Variants in TRAK1 observed in about 807,000 individuals in gnomAD.
TRAK1 encodes trafficking kinesin protein 1.
TRAK1 carries 33 observed loss-of-function variants against 92.1 expected under a neutral mutation model. The ratio of observed to expected loss-of-function variants is 0.36; its 90% confidence interval spans 0.27 to 0.48. TRAK1 has a LOEUF of 0.48. Among genes scored for constraint, TRAK1 ranks in the 20% least tolerant of loss-of-function variants. The pLI, the probability that TRAK1 is intolerant of heterozygous loss-of-function variation, is 0.99. For synonymous variants in TRAK1, 521 were observed against 517.3 expected, an observed-to-expected ratio of 1.01 and a Z score of -0.10; for missense variants, 1,123 against 1,257.9, an observed-to-expected ratio of 0.89 and a Z score of 1.62.
chr3:42,049,408 C>T (rs1702894260), intron 1 of TRAK1, among the ~76,000 whole-genome samples: 1 of 151,564 alleles, frequency 6.6e-6, no homozygotes, highest in African/African-American at 2.4e-5. Flanking sequence ...TTATGCCAGG[C>T]ACTCAGTGGG....
Position 42,054,904 on chromosome 3 carries a change from A to ATTTTTTTTTTTTTTTTTTTTT in TRAK1, c.-518-32186_-518-32166dup, listed in dbSNP as rs1157067369. On this transcript the variant is annotated intron_variant, in intron 1 of 16. Coordinates refer to the TRAK1 transcript ENST00000487159. ...TTGTAAATGATCTACAGCAAACTAGATTTTTTTTTTTTTTTTTTTTTTTTT... is the reference window on the plus strand; with the variant it reads ...TTGTAAATGATCTACAGCAAACTAGATTTTTTTTTTTTTTTTTTTTTTTTTTTTTTTTTTTTTTTTTTTTTT... 1.1e-4 allele frequency among the ~76,000 whole-genome samples: 4 copies of ATTTTTTTTTTTTTTTTTTTTT among 37,104 alleles called. 1 individual carries two copies. Among genetic ancestry groups the ATTTTTTTTTTTTTTTTTTTTT allele is most frequent in the Non-Finnish European group, 1.5e-4 (3 of 19,538 alleles). 24.3% of individuals were successfully genotyped at this position (37,104 alleles called of 152,430 possible). A position where few individuals can be genotyped will look rare whatever the true frequency, so the allele number is the denominator to read the frequency against.
chr3:42,165,660 A>G (rs1396219756), intron 2 of TRAK1, among the ~76,000 whole-genome samples: 1 of 152,184 alleles, frequency 6.6e-6, no homozygotes, highest in East Asian at 1.9e-4. Flanking sequence ...ATGTAGTGTC[A>G]TCGGCAGCAC....
At chr3:42,213,019 C>A (rs1316000944) in intron 14 of TRAK1, among the ~76,000 whole-genome samples, 1 of 151,692 alleles carries the variant, frequency 6.6e-6, no homozygotes, top group African/African-American at 2.4e-5. Flanking sequence ...CTGGCAGTGG[C>A]CCTGCAGTAG....
At chr3:42,106,423 CAAAG>C (rs1392033749) in intron 1 of TRAK1, among the ~76,000 whole-genome samples, 9 of 151,896 alleles carry the variant, frequency 5.9e-5, no homozygotes, top group Admixed American at 5.2e-4. Context: ...TCAAAAGAGA[CAAAG>C]AAGGCCATTA....
intron 14 of TRAK1, chr3:42,217,787 T>C: frequency 1.0e-6 from 1 of 985,446 alleles, no homozygotes; most frequent in Non-Finnish European, 1.2e-6. Flanking sequence ...TTTGTTATTT[T>C]TGTTTCTAGA....
chr3:42,148,578 C>T (rs972954364), intron 2 of TRAK1, among the ~76,000 whole-genome samples: 1 of 152,152 alleles, frequency 6.6e-6, no homozygotes, highest in Non-Finnish European at 1.5e-5. Context: ...TGCAGGTGGA[C>T]TTTTTTCTTC....
At chr3:42,063,420 T>G (rs1213369794) in intron 1 of TRAK1, among the ~76,000 whole-genome samples, 1 of 152,210 alleles carries the variant, frequency 6.6e-6, no homozygotes, top group Non-Finnish European at 1.5e-5. Flanking sequence ...GTGTGGTGGC[T>G]TGTGCCTGTA....
intron 2 of TRAK1, chr3:42,160,365 TCCCTG>T (rs1180577522): frequency 6.2e-7 from 1 of 1,614,072 alleles, no homozygotes; most frequent in South Asian, 1.1e-5. Flanking sequence ...TTCAGCAATG[TCCCTG>T]CGAGACAAGG....
intron 2 of TRAK1, among the ~76,000 whole-genome samples, chr3:42,133,997 A>G (rs1477739163): frequency 6.6e-6 from 1 of 152,192 alleles, no homozygotes; most frequent in East Asian, 1.9e-4. Flanking sequence ...TAATTACATT[A>G]ATAAGCAAAA....
At position 42,118,451 on chromosome 3, in the gene TRAK1, A is replaced by C. The variant is rs74897175; in HGVS notation, c.92-6969A>C. 6.9e-3 allele frequency among the ~76,000 whole-genome samples: 1,057 copies of C among 152,344 alleles called. 50 individuals carry two copies. The East Asian group carries it at 0.13, about 19-fold the overall frequency. On this transcript the variant is annotated intron_variant, in intron 1 of 15. Transcript: ENST00000327628. ...AAATGTTGGACACTAATTTAGAGCT[A>C]TTGCCTTTGCTGTAAAATGTAAGCA...
chr3:42,019,499 T>G (rs1236885279), intron 1 of TRAK1, among the ~76,000 whole-genome samples: 2 of 152,164 alleles, frequency 1.3e-5, no homozygotes, highest in African/African-American at 4.8e-5. Flanking sequence ...CTGCCTTAGC[T>G]TCAAGCGATC....
chr3:42,105,961 A>G (rs1300296681), intron 1 of TRAK1, among the ~76,000 whole-genome samples: 3 of 152,138 alleles, frequency 2.0e-5, no homozygotes, highest in Admixed American at 6.6e-5. Flanking sequence ...CTACAGACAA[A>G]CAAATGCTGA....
intron 5 of TRAK1, 67 bp from the exon 6 acceptor site, chr3:42,188,949 C>G: frequency 8.5e-7 from 1 of 1,178,226 alleles, no homozygotes. Context: ...TTTGTGTCTC[C>G]ACATGGTTTG....
intron 1 of TRAK1, among the ~76,000 whole-genome samples, chr3:42,069,431 C>A (rs374502721): frequency 4.8e-4 from 73 of 152,052 alleles, no homozygotes; most frequent in African/African-American, 1.5e-3. Flanking sequence ...GGAGGTCAGA[C>A]AAGTACCTAA....
chr3:42,130,892 G>T, intron 2 of TRAK1, among the ~76,000 whole-genome samples: 1 of 152,164 alleles, frequency 6.6e-6, no homozygotes, highest in East Asian at 1.9e-4. Flanking sequence ...CACAGCCAGG[G>T]TATGTGGGGC....
At chr3:42,093,863 CA>C (rs1335874384) in intron 1 of TRAK1, among the ~76,000 whole-genome samples, 1 of 151,354 alleles carries the variant, frequency 6.6e-6, no homozygotes, top group Non-Finnish European at 1.5e-5. Context: ...CCACCACGCC[CA>C]GCTATTTTTT....
intron 2 of TRAK1, 137 bp downstream of exon 2, chr3:42,125,751 C>A: frequency 2.1e-6 from 2 of 959,246 alleles, no homozygotes; most frequent in Non-Finnish European, 3.0e-6. Context: ...AGAAATGCGG[C>A]TGTAGGGGTT....
At chr3:42,222,860 C>A (rs541089793) in intron 15 of TRAK1, 82 bp from the exon 16 acceptor site, 51 of 1,491,850 alleles carry the variant, frequency 3.4e-5, no homozygotes, top group East Asian at 2.5e-4. Context: ...GTCCCTACCC[C>A]CCCTGCAGGA....
chr3:42,213,245 C>T (rs1362924991), intron 14 of TRAK1, among the ~76,000 whole-genome samples: 2 of 152,018 alleles, frequency 1.3e-5, no homozygotes, highest in African/African-American at 4.8e-5. Context: ...TTTGTAGAGA[C>T]AGGCTTTCAC....
Sources: allele counts gnomAD v4.1 joint callset (sites outside exome capture counted in the v4.1 genomes callset), GRCh38; gene constraint gnomAD v4.1.1; transcripts MANE v1.5; gene names NCBI Gene and HGNC (gene_info 2026-07-23, HGNC 2026-07-21).